Variants in RAI14 observed in about 807,000 individuals in gnomAD.
RAI14 encodes retinoic acid induced 14.
Under a neutral mutation model 115.4 loss-of-function variants are expected in RAI14, and 45 were observed. The observed-to-expected ratio is 0.39, with a 90% confidence interval of 0.31 to 0.50. The LOEUF is 0.50. Among genes scored for constraint, RAI14 ranks in the 20% least tolerant of loss-of-function variants. The pLI is 0.85. For synonymous variants in RAI14, 371 were observed against 415.4 expected (o/e 0.89, Z 1.30); for missense variants, 939 against 1,131.2 (o/e 0.83, Z 2.44).
intron 2 of RAI14, among the ~76,000 whole-genome samples, chr5:34,742,989 C>T (rs899490333): frequency 2.0e-5 from 3 of 152,158 alleles, no homozygotes; most frequent in Non-Finnish European, 4.4e-5. Context: ...ATACCCAAAG[C>T]ACCACCCGGT....
rs113759070 is a variant in RAI14 at position 34,745,062 on chromosome 5, G to A, written c.37-12406G>A. On this transcript the variant is annotated intron_variant, in intron 2 of 17. Coordinates refer to ENST00000265109, the MANE Select transcript of RAI14 (RefSeq NM_015577.3). ...ATTGGATTTTGGATCCAACTTAAAC[G>A]AATATGACCTCATCTTAACTTGATG... Among the ~76,000 whole-genome samples, 243 of 152,192 alleles carry A rather than the reference G, an allele frequency of 1.6e-3. 1 individual carries two copies. Among genetic ancestry groups the A allele is most frequent in the African/African-American group, 5.6e-3 (231 of 41,506 alleles).
intron 3 of RAI14, among the ~76,000 whole-genome samples, chr5:34,782,218 G>A (rs1580241797): frequency 6.6e-6 from 1 of 152,170 alleles, no homozygotes. Context: ...TTTATGGCTA[G>A]TTTTGGGGCC....
chr5:34,739,761 C>T (rs770201724), intron 2 of RAI14, among the ~76,000 whole-genome samples: 18 of 152,080 alleles, frequency 1.2e-4, no homozygotes, highest in Non-Finnish European at 2.5e-4. Flanking sequence ...GGGATACAGA[C>T]GTAAAAGCCA....
chr5:34,690,924 A>G (rs970582164), intron 2 of RAI14, among the ~76,000 whole-genome samples: 1 of 152,220 alleles, frequency 6.6e-6, no homozygotes, highest in Non-Finnish European at 1.5e-5. Context: ...AGAAAAAAAC[A>G]TATAGGAAAT....
intron 1 of RAI14, among the ~76,000 whole-genome samples, chr5:34,664,712 G>A (rs892551668): frequency 1.3e-4 from 19 of 151,696 alleles, no homozygotes; most frequent in African/African-American, 4.4e-4. Flanking sequence ...AGATTTTGGT[G>A]TACCCATCAC....
intron 16 of RAI14, among the ~76,000 whole-genome samples, chr5:34,829,069 A>G (rs1006952004): frequency 1.3e-5 from 2 of 152,164 alleles, no homozygotes; most frequent in African/African-American, 4.8e-5. Flanking sequence ...ATTTCCTTGC[A>G]GTATTTACAT....
In RAI14 at chr5:34,823,119, A is replaced by G. The variant is rs1447075382; in HGVS notation, c.1277A>G (p.Asp426Gly). The G allele has an allele frequency of 1.9e-6, 3 of 1,612,966 alleles. No individual in the cohort carries two copies. Among genetic ancestry groups the G allele is most frequent in the Non-Finnish European group, 2.5e-6 (3 of 1,178,930 alleles). The change falls in exon 15 of 18, where the codon GAC becomes GGC. Residue 426 changes from aspartate (D) to glycine (G), a missense_variant. Asp to Gly is a moderately conservative substitution (Grantham distance 94). Transcript: ENST00000265109. The surrounding 1 kb of genome is among the most constrained non-coding windows in gnomAD (Gnocchi z 4.5). Reference sequence around the variant, plus strand: ...CATTCTTTAGGTAAATCCACTACTGACAATGATGTCAGAATTCAGCAACTG... The same window carrying G: ...CATTCTTTAGGTAAATCCACTACTGGCAATGATGTCAGAATTCAGCAACTG... Reference protein sequence around the residue: ...LIHSLGKSTTDNDVRIQQLQE... With the variant: ...LIHSLGKSTTGNDVRIQQLQE...
rs1404407786 is a variant in RAI14 at position 34,663,752 on chromosome 5, T to G, written c.-49+7277T>G. 3.3e-5 allele frequency among the ~76,000 whole-genome samples: 5 copies of G among 152,184 alleles called. No individual in the cohort carries two copies. In the East Asian group the frequency reaches 9.6e-4, roughly 29 times the overall value. ...GTCATCAGATATAGAGTTGTCCTAG[T>G]CTAGAGGAGAATTAAACAATAATCA... On this transcript the variant is annotated intron_variant, in intron 1 of 17. Coordinates refer to ENST00000265109, the MANE Select transcript of RAI14 (RefSeq NM_015577.3).
chr5:34,750,848 ATTTTT>A (rs869028180), intron 2 of RAI14, among the ~76,000 whole-genome samples: 4 of 83,616 alleles, frequency 4.8e-5, no homozygotes, highest in Non-Finnish European at 4.3e-5. Context: ...TTGCTTTATC[ATTTTT>A]TTTTTTTTTT....
At chr5:34,787,771 A>G (rs1255481368) in intron 3 of RAI14, among the ~76,000 whole-genome samples, 1 of 152,034 alleles carries the variant, frequency 6.6e-6, no homozygotes, top group Non-Finnish European at 1.5e-5. Flanking sequence ...CAATAAAAAG[A>G]TTAAATTCTC....
chr5:34,658,480 CT>C (rs973255036), intron 1 of RAI14, among the ~76,000 whole-genome samples: 5 of 151,896 alleles, frequency 3.3e-5, no homozygotes, highest in Middle Eastern at 3.4e-3. Flanking sequence ...TCCTTCTTTC[CT>C]TTTTTTTCAT....
intron 2 of RAI14, among the ~76,000 whole-genome samples, chr5:34,736,451 A>G (rs1488777713): frequency 6.6e-6 from 1 of 152,056 alleles, no homozygotes; most frequent in Non-Finnish European, 1.5e-5. Flanking sequence ...TTAATTCCAA[A>G]CTGCCCTAAA....
chr5:34,810,934 G>A, intron 7 of RAI14, 78 bp from the exon 8 acceptor site: 1 of 1,598,580 alleles, frequency 6.3e-7, no homozygotes, highest in Non-Finnish European at 8.5e-7. Context: ...AGAAAAATGT[G>A]CAAAAAACAG....
At chr5:34,665,149 A>G (rs1354986632) in intron 1 of RAI14, among the ~76,000 whole-genome samples, 2,740 of 59,558 alleles carry the variant, frequency 0.046, 1,060 homozygotes, top group Middle Eastern at 0.092. Flanking sequence ...ATACACATAT[A>G]TATGTGTGTG....
intron 2 of RAI14, among the ~76,000 whole-genome samples, chr5:34,688,920 A>G (rs1022016918): frequency 1.3e-5 from 2 of 151,992 alleles, no homozygotes; most frequent in Admixed American, 1.3e-4. Flanking sequence ...CTTGCCACAA[A>G]TCTTATGTGG....
At chr5:34,709,487 A>C (rs2149958560) in intron 2 of RAI14, among the ~76,000 whole-genome samples, 1 of 152,334 alleles carries the variant, frequency 6.6e-6, no homozygotes, top group East Asian at 1.9e-4. Flanking sequence ...GTAAACTTTC[A>C]AAAGTCTGTA....
At chr5:34,749,738 A>T (rs1050839824) in intron 2 of RAI14, among the ~76,000 whole-genome samples, 3 of 152,232 alleles carry the variant, frequency 2.0e-5, no homozygotes, top group Non-Finnish European at 4.4e-5. Flanking sequence ...TCTTTCCCAC[A>T]TGCCGCCCTT....
intron 3 of RAI14, among the ~76,000 whole-genome samples, chr5:34,776,806 T>TCAAAAAAAAAAAACAACAAA (rs1561347587): frequency 3.3e-5 from 3 of 89,900 alleles, no homozygotes; most frequent in African/African-American, 5.9e-5. Flanking sequence ...GACCCTTTAT[T>TCAAAAAAAAAAAACAACAAA]AAAAAAACCC....
intron 2 of RAI14, among the ~76,000 whole-genome samples, chr5:34,711,941 AT>A: frequency 6.6e-6 from 1 of 151,440 alleles, no homozygotes; most frequent in African/African-American, 2.4e-5. Flanking sequence ...TATTTTTTTT[AT>A]TCTATCTGAG....
Sources: allele counts gnomAD v4.1 joint callset (sites outside exome capture counted in the v4.1 genomes callset), GRCh38; gene constraint gnomAD v4.1.1; non-coding constraint Gnocchi (gnomAD v3.1); transcripts MANE v1.5; gene names NCBI Gene and HGNC (gene_info 2026-07-23, HGNC 2026-07-21).